The following POLR2F variants were observed in gnomAD, a reference collection of about 807,000 sequenced individuals.
POLR2F encodes the protein RNA polymerase II, I and III subunit F, also known as DNA-directed RNA polymerases I, II, and III subunit RPABC2.
Under a neutral mutation model 22.7 loss-of-function variants are expected in POLR2F, and 12 were observed. That is an observed-to-expected ratio of 0.53 (90% confidence interval 0.34 to 0.86). The LOEUF (loss-of-function observed/expected upper bound fraction) is 0.86. POLR2F is among the 40% of genes least tolerant of loss of function. POLR2F has a pLI of 0.02. For synonymous variants in POLR2F, 57 were observed against 66.0 expected, an observed-to-expected ratio of 0.86 and a Z score of 0.66; for missense variants, 126 against 171.5, an observed-to-expected ratio of 0.73 and a Z score of 1.48.
chr22:38,010,241 A>G (rs1218825050), intron 1 of POLR2F, among the ~76,000 whole-genome samples: 1 of 151,946 alleles, frequency 6.6e-6, no homozygotes, highest in African/African-American at 2.4e-5. Flanking sequence ...TAGATATTGC[A>G]GTGCACACCT....
chr22:37,975,274 C>T (rs1364321389), intron 4 of POLR2F, among the ~76,000 whole-genome samples: 1 of 152,148 alleles, frequency 6.6e-6, no homozygotes, highest in Admixed American at 6.5e-5. Flanking sequence ...TCCACATGCA[C>T]CCAGAGTTGG....
At chr22:38,000,501 A>G (rs1569177256) in intron 1 of POLR2F, among the ~76,000 whole-genome samples, 1 of 152,164 alleles carries the variant, frequency 6.6e-6, no homozygotes, top group South Asian at 2.1e-4. Context: ...TGCAAACTAA[A>G]GTGCTTTCCA....
chr22:37,974,969 C>A lies in POLR2F; in HGVS notation c.293+7799C>A, dbSNP rs571598617. On this transcript the variant is annotated intron_variant, in intron 4 of 4. Coordinates refer to the POLR2F transcript ENST00000405557. This position sits in a 1 kb window ranked among gnomAD's most constrained non-coding sequence, Gnocchi z 5.4. ...GGCCTCATGTTGTGTCCTTTCCAAC[C>A]CTTCCCTCCTCCTGAGCCCACCCTG... Among the ~76,000 whole-genome samples the A allele has an allele frequency of 3.9e-5, 6 of 152,292 alleles. No homozygotes were observed. In the South Asian group the frequency reaches 1.0e-3, roughly 26 times the overall value.
chr22:38,040,555 T>C (rs1208427058), intron 5 of POLR2F: 1 of 157,622 alleles, frequency 6.3e-6, no homozygotes, highest in African/African-American at 2.4e-5. Flanking sequence ...GGAGTCAGAT[T>C]TGTGTTCTAG....
intron 2 of POLR2F, among the ~76,000 whole-genome samples, chr22:37,957,683 T>G (rs987211619): frequency 2.6e-5 from 4 of 152,150 alleles, no homozygotes; most frequent in African/African-American, 9.7e-5. Context: ...TCATGTAGAT[T>G]GTGCCTCCTA....
At chr22:38,040,789 G>A in intron 5 of POLR2F, 1 of 492,992 alleles carries the variant, frequency 2.0e-6, no homozygotes, top group Non-Finnish European at 3.6e-6. Context: ...TGGTGGGCAT[G>A]TTGTGATGGT....
chr22:38,025,237 T>G (rs2084995939), intron 1 of POLR2F, among the ~76,000 whole-genome samples: 1 of 151,950 alleles, frequency 6.6e-6, no homozygotes. Context: ...GTGCACTCAC[T>G]TGCTCACACA....
chr22:37,956,654 T>C, intron 1 of POLR2F, 119 bp from the exon 2 acceptor site: 1 of 776,648 alleles, frequency 1.3e-6, no homozygotes, highest in Non-Finnish European at 2.2e-6. Flanking sequence ...TGGCCTCAAG[T>C]GATCCGCCCA....
intron 3 of POLR2F, among the ~76,000 whole-genome samples, chr22:37,964,016 C>T (rs752407534): frequency 8.6e-5 from 13 of 151,864 alleles, no homozygotes; most frequent in Admixed American, 1.3e-4. Context: ...GCAAGAGAAT[C>T]GCTTGAACCT....
chr22:37,997,325 G>C lies in POLR2F; in HGVS notation c.120+11013G>C, dbSNP rs1422577631. 6.6e-6 allele frequency among the ~76,000 whole-genome samples: 1 copy of C among 151,966 alleles called. No homozygotes were observed. Among genetic ancestry groups the C allele is most frequent in the Non-Finnish European group, 1.5e-5 (1 of 67,976 alleles). On this transcript the variant is annotated intron_variant, in intron 1 of 2. Transcript: ENST00000333418. The surrounding 1 kb of genome is among the most constrained non-coding windows in gnomAD (Gnocchi z 4.4). ...TTTCTGTCCCCAGCCTCCTCTCTCT[G>C]GGAAGCTTTTTAATTTTGACCCCAC...
intron 3 of POLR2F, among the ~76,000 whole-genome samples, chr22:37,959,763 A>C (rs1431703290): frequency 1.3e-5 from 2 of 149,746 alleles, no homozygotes; most frequent in Admixed American, 6.7e-5. Context: ...AGATTAGTGC[A>C]GCAAAAAAGG....
chr22:37,991,049 A>G (rs762166597), intron 1 of POLR2F, among the ~76,000 whole-genome samples: 3 of 152,200 alleles, frequency 2.0e-5, no homozygotes, highest in Non-Finnish European at 4.4e-5. Context: ...TGGGAGGCCA[A>G]GGTGGGAGGA....
intron 3 of POLR2F, among the ~76,000 whole-genome samples, chr22:37,966,091 A>G (rs1197209462): frequency 2.0e-5 from 3 of 152,200 alleles, no homozygotes; most frequent in Non-Finnish European, 2.9e-5. Flanking sequence ...TTACAGTTCA[A>G]TGAGATTGGT....
At chr22:37,965,997 G>A (rs1931839167) in intron 3 of POLR2F, among the ~76,000 whole-genome samples, 1 of 152,166 alleles carries the variant, frequency 6.6e-6, no homozygotes, top group South Asian at 2.1e-4. Flanking sequence ...GTTATGCTGG[G>A]GGCTGGGCCT....
intron 1 of POLR2F, among the ~76,000 whole-genome samples, chr22:38,000,583 C>T (rs2084760220): frequency 6.6e-6 from 1 of 152,230 alleles, no homozygotes; most frequent in South Asian, 2.1e-4. Flanking sequence ...CCTCTGCAGT[C>T]TGTGCAGGGC....
Position 37,997,885 on chromosome 22 carries a change from C to T in POLR2F, c.120+11573C>T, listed in dbSNP as rs567265319. ...GCGTCCGAGCCTCCCTAGGACACGA[C>T]CCTCACAGAGTCATGGACCGCAGGA... On this transcript the variant is annotated intron_variant, in intron 1 of 2. Coordinates refer to the POLR2F transcript ENST00000333418. The surrounding 1 kb of genome is among the most constrained non-coding windows in gnomAD (Gnocchi z 4.4). Among the ~76,000 whole-genome samples the T allele has an allele frequency of 2.0e-4, 31 of 152,336 alleles. No homozygotes were observed. Among genetic ancestry groups the T allele is most frequent in the South Asian group, 1.9e-3 (9 of 4,820 alleles).
At chr22:38,003,001 A>T (rs758984804) in intron 1 of POLR2F, among the ~76,000 whole-genome samples, 9 of 152,112 alleles carry the variant, frequency 5.9e-5, no homozygotes, top group Non-Finnish European at 1.3e-4. Context: ...CTAGGATTAC[A>T]GGCGTGACCC....
intron 4 of POLR2F, 23 bp from the exon 5 acceptor site, chr22:37,967,602 T>C: frequency 6.2e-7 from 1 of 1,612,908 alleles, no homozygotes. Context: ...CCTCATGTAC[T>C]TGTGACTTCT....
upstream of POLR2F, chr22:37,983,990 C>T (rs1932493221): frequency 5.9e-6 from 2 of 341,400 alleles, no homozygotes; most frequent in Non-Finnish European, 1.0e-5. This position sits in a 1 kb window ranked among gnomAD's most constrained non-coding sequence, Gnocchi z 9.5. Context: ...CCATCTGGCC[C>T]CTGGGGCCCA....
Sources: allele counts gnomAD v4.1 joint callset (sites outside exome capture counted in the v4.1 genomes callset), GRCh38; gene constraint gnomAD v4.1.1; non-coding constraint Gnocchi (gnomAD v3.1); transcripts MANE v1.5; gene names NCBI Gene and HGNC (gene_info 2026-07-23, HGNC 2026-07-21).